KMT2A: variants seen among roughly 807,000 people sequenced by gnomAD.
KMT2A encodes lysine methyltransferase 2A.
Under a neutral mutation model 345.3 loss-of-function variants are expected in KMT2A, and 16 were observed. The observed-to-expected ratio is 0.05, with a 90% CI of 0.03 to 0.07. KMT2A has a LOEUF of 0.07. Among genes scored for constraint, KMT2A ranks in the 10% least tolerant of loss-of-function variants. The pLI, the probability that KMT2A is intolerant of heterozygous loss-of-function variation, is 1.00. For synonymous variants in KMT2A, 1,599 were observed against 1,778.6 expected (o/e 0.90, Z 2.54); for missense variants, 3,272 against 4,841.6 (o/e 0.68, Z 9.62).
chr11:118,491,183 G>A lies in KMT2A; in HGVS notation c.4697-13G>A. ...GAGCCAAAGCACTGCTGTAAACTTTGCTTTGCTTTCAGGAAACTTCTGCCC... is the reference window on the plus strand; with the variant it reads ...GAGCCAAAGCACTGCTGTAAACTTTACTTTGCTTTCAGGAAACTTCTGCCC... On this transcript the variant is annotated splice_polypyrimidine_tract_variant and intron_variant, in intron 13 of 35. Coordinates refer to ENST00000534358, the MANE Select transcript of KMT2A (RefSeq NM_001197104.2). The surrounding 1 kb of genome is among the most constrained non-coding windows in gnomAD (Gnocchi z 4.2). 1 of 1,612,460 alleles carries A rather than the reference G, an allele frequency of 6.2e-7. No homozygotes were observed. The highest frequency in any genetic ancestry group is 8.5e-7 in the Non-Finnish European group (1 of 1,179,370).
rs782418508 is a variant in KMT2A, at chr11:118,522,018, A to T, written c.11765A>T (p.Asn3922Ile). ...CCTAACTGCTATTCTCGGGTCATCA[A>T]TATTGATGGGCAGAAGCACATTGTC... ...CEPNCYSRVI[N>I]IDGQKHIVIF... is the part of the protein sequence containing the mutation. Residue 3922 changes from asparagine (N) to isoleucine (I), a missense_variant, in exon 36 of 36, where the codon AAT (asparagine) becomes ATT (isoleucine). By Grantham distance (149) the Asn-to-Ile change is moderately radical. This residue lies in a region of KMT2A where 78 missense variants were observed against 254.5 expected (regional missense o/e 0.31). Transcript: ENST00000534358. This position sits in a 1 kb window ranked among gnomAD's most constrained non-coding sequence, Gnocchi z 5.4. 2 of 1,614,210 alleles carry T rather than the reference A, an allele frequency of 1.2e-6. No individual in the cohort carries two copies. The highest frequency in any genetic ancestry group is 1.7e-6 in the Non-Finnish European group (2 of 1,180,040).
rs1176366797 is a variant in KMT2A, at chr11:118,526,777, CT to C, written c.*4613del. 4.0e-5 allele frequency: 9 copies of C among 224,958 alleles called. No homozygotes were observed. Among genetic ancestry groups the C allele is most frequent in the African/African-American group, 6.7e-5 (3 of 44,984 alleles). The allele number at this position is 224,958 out of a possible 1,614,324, so 13.9% of individuals were successfully genotyped here. A position where few individuals can be genotyped will look rare whatever the true frequency, so the allele number is the denominator to read the frequency against. Reference sequence around the variant, plus strand: ...TTTAAACATGTTTATTTTCTATGCACTTTTTTTTATTTAAGTGATAGTTTAA... The same window carrying C: ...TTTAAACATGTTTATTTTCTATGCACTTTTTTTATTTAAGTGATAGTTTAA... On this transcript the variant is annotated 3_prime_UTR_variant, in exon 36 of 36. Transcript: ENST00000534358.
At chr11:118,468,315 A>T (rs1949883741) in intron 1 of KMT2A, among the ~76,000 whole-genome samples, 1 of 152,176 alleles carries the variant, frequency 6.6e-6, no homozygotes, top group Non-Finnish European at 1.5e-5. Context: ...TTCAGTCTCT[A>T]TTAATATTTA....
intron 31 of KMT2A, among the ~76,000 whole-genome samples, chr11:118,518,725 C>T (rs9332857): frequency 0.044 from 6,212 of 140,762 alleles, 186 homozygotes; most frequent in South Asian, 0.076. Context: ...GGAGTTGTAG[C>T]GAGCTGAGAT....
Position 118,465,700 on chromosome 11 carries a change from T to C in KMT2A, c.433-3075T>C, listed in dbSNP as rs566387625. 4.6e-5 allele frequency among the ~76,000 whole-genome samples: 7 copies of C among 152,344 alleles called. No homozygotes were observed. In the South Asian group the frequency reaches 1.4e-3, roughly 32 times the overall value. ...ATGAGAAGACTGGATTGGCCCCCTC[T>C]ACAATTATAATATTCTATGATTTTT... On this transcript the variant is annotated intron_variant, in intron 1 of 35. Coordinates refer to ENST00000534358, the MANE Select transcript of KMT2A (RefSeq NM_001197104.2).
chr11:118,479,006 A>T (rs1950086680), intron 5 of KMT2A, among the ~76,000 whole-genome samples: 1 of 152,202 alleles, frequency 6.6e-6, no homozygotes, highest in Admixed American at 6.5e-5. Context: ...TATACATAAG[A>T]TGTTTTGATA....
intron 1 of KMT2A, among the ~76,000 whole-genome samples, chr11:118,455,706 A>T (rs1213472271): frequency 2.0e-4 from 29 of 144,236 alleles, no homozygotes; most frequent in Admixed American, 5.5e-4. Context: ...TTATTTATTT[A>T]TTTTTTTTTG....
intron 1 of KMT2A, among the ~76,000 whole-genome samples, chr11:118,446,744 A>G (rs1325467341): frequency 2.0e-5 from 3 of 152,206 alleles, no homozygotes; most frequent in African/African-American, 2.4e-5. Context: ...CACCCTACAC[A>G]GTGCTTCACA....
chr11:118,459,974 C>T (rs1317955613), intron 1 of KMT2A, among the ~76,000 whole-genome samples: 3 of 152,140 alleles, frequency 2.0e-5, no homozygotes, highest in Admixed American at 2.0e-4. Context: ...GGATTACAGG[C>T]TTGAGCCACT....
intron 2 of KMT2A, 53 bp from the exon 3 acceptor site, chr11:118,471,609 C>T (rs1031621464): frequency 7.6e-7 from 1 of 1,319,592 alleles, no homozygotes; most frequent in Non-Finnish European, 1.0e-6. Flanking sequence ...TTAGTTAAAA[C>T]CTAAACTACA....
At chr11:118,459,309 C>G (rs1949703315) in intron 1 of KMT2A, among the ~76,000 whole-genome samples, 1 of 152,184 alleles carries the variant, frequency 6.6e-6, no homozygotes, top group Non-Finnish European at 1.5e-5. Flanking sequence ...TCAAGTGATC[C>G]ATCCATCTCA....
In KMT2A at chr11:118,523,100, C is replaced by T. The variant is rs1555054184; in HGVS notation, c.*928C>T. ...AGAATTTGGAAACATTTTCATAAAG[C>T]TCCATGGAGAGTTTTAAAGAAACAT... is the stretch of plus-strand genomic sequence containing the variant. On this transcript the variant is annotated 3_prime_UTR_variant, in exon 36 of 36. Transcript: ENST00000534358. 8 of 223,136 alleles carry T rather than the reference C, an allele frequency of 3.6e-5. No homozygotes were observed. The highest frequency in any genetic ancestry group is 1.8e-5 in the Non-Finnish European group (2 of 111,584). 13.8% of individuals were successfully genotyped at this position (223,136 alleles called of 1,614,324 possible). A position where few individuals can be genotyped will look rare whatever the true frequency, so the allele number is the denominator to read the frequency against.
In KMT2A at chr11:118,505,841, G is replaced by T; in HGVS notation, c.9949G>T (p.Ala3317Ser). Reference protein sequence around the residue: ...QSVGGTAATAAGTSTISQDTS... With the variant: ...QSVGGTAATASGTSTISQDTS... ...TGTGGGAGGAACTGCTGCCACAGCG[G>T]CAGGCACATCAACAATAAGCCAGGA... Residue 3317 changes from alanine (A) to serine (S), a missense_variant, in exon 27 of 36, where the codon GCA (alanine) becomes TCA (serine). By Grantham distance (99) the Ala-to-Ser change is moderately conservative. Coordinates refer to ENST00000534358, the MANE Select transcript of KMT2A (RefSeq NM_001197104.2). This position sits in a 1 kb window ranked among gnomAD's most constrained non-coding sequence, Gnocchi z 4.6. 4.3e-6 allele frequency: 7 copies of T among 1,614,084 alleles called. No individual in the cohort carries two copies. The highest frequency in any genetic ancestry group is 5.9e-6 in the Non-Finnish European group (7 of 1,179,992).
At chr11:118,481,298 TA>T (rs1950127700) in intron 6 of KMT2A, among the ~76,000 whole-genome samples, 1 of 152,156 alleles carries the variant, frequency 6.6e-6, no homozygotes, top group Non-Finnish European at 1.5e-5. Flanking sequence ...TCTATCTCCA[TA>T]AGTTCAATTG....
intron 2 of KMT2A, 99 bp downstream of exon 2, chr11:118,468,943 C>T (rs9332763): frequency 2.4e-6 from 2 of 839,332 alleles, no homozygotes; most frequent in Admixed American, 2.1e-5. Flanking sequence ...CTCTACCATA[C>T]TTGGGTTAGG....
rs781842174 is a variant in KMT2A, at chr11:118,471,903, CAAA to C, written c.745_747del (p.Lys249del). The stretch of plus-strand genomic sequence containing the variant: ...ACATTTCAGAGTTACCAAAGGGAAA[CAAA>C]GAAGATAGCCTGAAAAAAATTAAAA... On this transcript the variant is annotated inframe_deletion, in exon 3 of 36. Coordinates refer to ENST00000534358, the MANE Select transcript of KMT2A (RefSeq NM_001197104.2). The C allele has an allele frequency of 1.2e-6, 2 of 1,613,596 alleles. No individual in the cohort carries two copies. The highest frequency in any genetic ancestry group is 1.7e-6 in the Non-Finnish European group (2 of 1,179,878).
chr11:118,492,728 A>G (rs1057336558), intron 15 of KMT2A, among the ~76,000 whole-genome samples: 1 of 152,188 alleles, frequency 6.6e-6, no homozygotes, highest in South Asian at 2.1e-4. Flanking sequence ...CCTCAGAGCT[A>G]AGCTGCTGTT....
At chr11:118,446,688 T>G (rs1227725967) in intron 1 of KMT2A, among the ~76,000 whole-genome samples, 1 of 152,240 alleles carries the variant, frequency 6.6e-6, no homozygotes, top group African/African-American at 2.4e-5. Flanking sequence ...TACTTTTGGA[T>G]AGTTTATTGT....
At chr11:118,480,093 G>T in intron 5 of KMT2A, 81 bp from the exon 6 acceptor site, 1 of 1,075,280 alleles carries the variant, frequency 9.3e-7, no homozygotes. Flanking sequence ...TTCACTGATT[G>T]TTGCAGACAA....
Sources: allele counts gnomAD v4.1 joint callset (sites outside exome capture counted in the v4.1 genomes callset), GRCh38; gene constraint gnomAD v4.1.1; regional missense constraint gnomAD v4.1.1; non-coding constraint Gnocchi (gnomAD v3.1); transcripts MANE v1.5; gene names NCBI Gene and HGNC (gene_info 2026-07-23, HGNC 2026-07-21).